NTNG1: variants seen among roughly 807,000 people sequenced by gnomAD.
The protein encoded by NTNG1 is netrin G1, also known as netrin-G1.
In NTNG1, 16 loss-of-function variants were observed where a neutral mutation model predicts 54.0. The observed-to-expected ratio is 0.30, with a 90% CI of 0.20 to 0.45. NTNG1 has a LOEUF of 0.45. Ranked by LOEUF, NTNG1 falls within the 20% of genes least tolerant of loss-of-function variation. The pLI, the probability that NTNG1 is intolerant of heterozygous loss-of-function variation, is 1.00. For synonymous variants in NTNG1, 255 were observed against 263.1 expected (o/e 0.97, Z 0.30); for missense variants, 530 against 678.7 (o/e 0.78, Z 2.43).
chr1:107,229,190 G>A (rs942988908), intron 2 of NTNG1, among the ~76,000 whole-genome samples: 5 of 151,708 alleles, frequency 3.3e-5, no homozygotes, highest in Non-Finnish European at 5.9e-5. Context: ...AGGGCTCTTC[G>A]GATGGCAGCC....
intron 2 of NTNG1, among the ~76,000 whole-genome samples, chr1:107,162,123 T>C (rs970943269): frequency 2.0e-5 from 3 of 152,060 alleles, no homozygotes; most frequent in Non-Finnish European, 4.4e-5. Context: ...TTATTTTTAG[T>C]TTTTGCAATT....
chr1:107,381,133 A>G (rs753734349), intron 3 of NTNG1, among the ~76,000 whole-genome samples: 67 of 152,272 alleles, frequency 4.4e-4, no homozygotes, highest in Non-Finnish European at 1.0e-4. Flanking sequence ...GTACCTACTC[A>G]TGTGGTGTTG....
intron 3 of NTNG1, among the ~76,000 whole-genome samples, chr1:107,359,477 C>T (rs960588907): frequency 1.3e-5 from 2 of 152,030 alleles, no homozygotes; most frequent in African/African-American, 2.4e-5. Flanking sequence ...CAAACAAAGG[C>T]TTTATAGCTT....
At chr1:107,249,723 A>T (rs1014543237) in intron 2 of NTNG1, among the ~76,000 whole-genome samples, 4 of 152,214 alleles carry the variant, frequency 2.6e-5, no homozygotes, top group Non-Finnish European at 4.4e-5. Context: ...TGAGAAAATG[A>T]GCTTACTTCA....
At chr1:107,439,411 A>G (rs571331470) in intron 7 of NTNG1, among the ~76,000 whole-genome samples, 3 of 152,138 alleles carry the variant, frequency 2.0e-5, no homozygotes, top group African/African-American at 7.2e-5. Context: ...GTTGTCAGGG[A>G]GGAAAATCGG....
intron 4 of NTNG1, among the ~76,000 whole-genome samples, chr1:107,403,464 C>T (rs1371610297): frequency 6.6e-6 from 1 of 152,104 alleles, no homozygotes; most frequent in African/African-American, 2.4e-5. Context: ...AATCCCAGCA[C>T]TTTGGGAGGA....
intron 2 of NTNG1, among the ~76,000 whole-genome samples, chr1:107,231,018 G>A (rs1030635364): frequency 1.3e-5 from 2 of 152,174 alleles, no homozygotes; most frequent in Non-Finnish European, 2.9e-5. Flanking sequence ...TTTGGAATTA[G>A]GTAAAGATGG....
At chr1:107,338,017 G>A (rs768146137) in intron 3 of NTNG1, among the ~76,000 whole-genome samples, 5 of 152,004 alleles carry the variant, frequency 3.3e-5, no homozygotes, top group Non-Finnish European at 5.9e-5. Flanking sequence ...ATCAGACTGA[G>A]TTTTTATTTC....
intron 2 of NTNG1, among the ~76,000 whole-genome samples, chr1:107,276,553 G>A (rs1000321616): frequency 6.6e-6 from 1 of 152,000 alleles, no homozygotes; most frequent in Non-Finnish European, 1.5e-5. Flanking sequence ...AGAATCCATT[G>A]TGTCTTCAAG....
chr1:107,430,870 A>G lies in NTNG1; in HGVS notation c.1208A>G (p.Tyr403Cys). Residue 403 changes from tyrosine to cysteine, a missense_variant, in exon 6 of 8, where the codon TAC becomes TGC. This residue lies in a region of NTNG1 where 212 missense variants were observed against 213.6 expected (regional missense o/e 0.99). Coordinates refer to ENST00000370068, the MANE Select transcript of NTNG1 (RefSeq NM_001113226.3). Reference protein sequence around the residue: ...GQHCELCRLGYFRNASAQLDD... With the variant: ...GQHCELCRLGCFRNASAQLDD... The stretch of plus-strand genomic sequence containing the variant: ...CACTGTGAGTTATGCAGGCTGGGCT[A>G]CTTCAGAAATGCTTCTGCACAACTG... 1 of 1,613,284 alleles carries G rather than the reference A, an allele frequency of 6.2e-7. No individual in the cohort carries two copies. Among genetic ancestry groups the G allele is most frequent in the Non-Finnish European group, 8.5e-7 (1 of 1,179,550 alleles).
At chr1:107,283,533 A>G (rs1297907990) in intron 2 of NTNG1, among the ~76,000 whole-genome samples, 3 of 152,200 alleles carry the variant, frequency 2.0e-5, no homozygotes, top group African/African-American at 7.2e-5. Context: ...ACATATAGAA[A>G]CATTATTCTT....
intron 3 of NTNG1, among the ~76,000 whole-genome samples, chr1:107,336,069 T>C (rs1668558075): frequency 6.6e-6 from 1 of 151,826 alleles, no homozygotes; most frequent in Non-Finnish European, 1.5e-5. Context: ...TTTTCCGAAA[T>C]AGAAAACTTC....
At position 107,343,152 on chromosome 1, in the gene NTNG1, A is replaced by T. The variant is rs115067137; in HGVS notation, c.887+18230A>T. Among the ~76,000 whole-genome samples the T allele has an allele frequency of 4.8e-3, 726 of 152,254 alleles. 8 individuals carry two copies. The highest frequency in any genetic ancestry group is 0.017 in the African/African-American group (689 of 41,566). ...ATAATGTCTGCCAGACTCACTGGTGACAGTATAAAACATGGGAAAATTAGT... is the reference window on the plus strand; with the variant it reads ...ATAATGTCTGCCAGACTCACTGGTGTCAGTATAAAACATGGGAAAATTAGT... On this transcript the variant is annotated intron_variant, in intron 3 of 7. Transcript: ENST00000370068.
intron 2 of NTNG1, among the ~76,000 whole-genome samples, chr1:107,319,656 C>T (rs767853520): frequency 6.6e-6 from 1 of 151,944 alleles, no homozygotes; most frequent in African/African-American, 2.4e-5. Flanking sequence ...TTTCATGATT[C>T]GTTTAAGTGT....
At chr1:107,232,245 G>A (rs1307491252) in intron 2 of NTNG1, among the ~76,000 whole-genome samples, 1 of 152,142 alleles carries the variant, frequency 6.6e-6, no homozygotes, top group Admixed American at 6.5e-5. Flanking sequence ...ACATGTAAAG[G>A]ACACTTAATG....
intron 5 of NTNG1, among the ~76,000 whole-genome samples, chr1:107,415,158 TAAG>T (rs1293833509): frequency 6.6e-6 from 1 of 152,150 alleles, no homozygotes; most frequent in Non-Finnish European, 1.5e-5. Context: ...CCAGCATCCT[TAAG>T]AAGAAGTGAT....
chr1:107,412,168 C>T (rs1297707468), intron 5 of NTNG1, among the ~76,000 whole-genome samples: 1 of 145,614 alleles, frequency 6.9e-6, no homozygotes, highest in Non-Finnish European at 1.5e-5. Flanking sequence ...TCAGGAAATT[C>T]GTAGCTTAAG....
intron 2 of NTNG1, among the ~76,000 whole-genome samples, chr1:107,276,987 AG>A (rs1422763151): frequency 6.6e-6 from 1 of 152,184 alleles, no homozygotes; most frequent in Non-Finnish European, 1.5e-5. Context: ...AAGAAGAGGA[AG>A]CTGGGGGAGG....
rs547922805 is a variant in NTNG1 at position 107,411,421 on chromosome 1, A to G, written c.1087+3713A>G. Among the ~76,000 whole-genome samples the G allele has an allele frequency of 4.6e-5, 7 of 152,302 alleles. No individual in the cohort carries two copies. In the South Asian group the frequency reaches 1.4e-3, roughly 32 times the overall value. On this transcript the variant is annotated intron_variant, in intron 5 of 7. Transcript: ENST00000370068. ...CTTGAAAACATTTTATGCCAGTTGG[A>G]GACCTGGTAAAAGTTGTTTTCCATA...
Sources: allele counts gnomAD v4.1 joint callset (sites outside exome capture counted in the v4.1 genomes callset), GRCh38; gene constraint gnomAD v4.1.1; regional missense constraint gnomAD v4.1.1; transcripts MANE v1.5; gene names NCBI Gene and HGNC (gene_info 2026-07-23, HGNC 2026-07-21).